TXNDC15: variants seen among roughly 807,000 people sequenced by gnomAD.
TXNDC15 encodes thioredoxin domain-containing protein 15.
In TXNDC15, 24 loss-of-function variants were observed where a neutral mutation model predicts 35.0. The observed-to-expected ratio is 0.68, with a 90% CI of 0.50 to 0.96. The LOEUF (loss-of-function observed/expected upper bound fraction) is 0.96. Among genes scored for constraint, TXNDC15 ranks in the 40% least tolerant of loss-of-function variants. TXNDC15 has a pLI of 0.00. For synonymous variants in TXNDC15, 169 were observed against 174.0 expected (o/e 0.97, Z 0.23); for missense variants, 385 against 453.3 (o/e 0.85, Z 1.37).
chr5:134,884,150 G>C (rs1415574201), intron 1 of TXNDC15, among the ~76,000 whole-genome samples: 23 of 150,106 alleles, frequency 1.5e-4, no homozygotes, highest in Non-Finnish European at 3.4e-4. Context: ...AACCCGGGAG[G>C]TGGAGGCTGC....
rs374337986 is a variant in TXNDC15 at position 134,892,121 on chromosome 5, T to G, written c.592-1371T>G. 4.6e-5 allele frequency: 7 copies of G among 152,244 alleles called. No individual in the cohort carries two copies. The South Asian group carries it at 1.4e-3, about 32-fold the overall frequency. The allele number at this position is 152,244 out of a possible 1,614,324, so 9.4% of individuals were successfully genotyped here. The stretch of plus-strand genomic sequence containing the variant: ...TGATTTTTGAGTATAGCCACCTTCA[T>G]CAATTCTCTTAGCTAGATGTTCTGG... On this transcript the variant is annotated intron_variant, in intron 2 of 4. Transcript: ENST00000358387.
intron 3 of TXNDC15, among the ~76,000 whole-genome samples, chr5:134,895,535 G>C (rs1750472678): frequency 6.6e-6 from 1 of 152,140 alleles, no homozygotes; most frequent in African/African-American, 2.4e-5. Context: ...GGCTCTTGCT[G>C]TTATTATATG....
chr5:134,874,508 A>G lies in TXNDC15; in HGVS notation c.81A>G (p.Gly27=), dbSNP rs1479541633. 6.2e-7 allele frequency: 1 copy of G among 1,602,570 alleles called. No homozygotes were observed. The change falls in exon 1 of 5, where the codon GGA becomes GGG. Residue 27 remains glycine (G), a synonymous_variant. Coordinates refer to ENST00000358387, the MANE Select transcript of TXNDC15 (RefSeq NM_024715.4). ...GWWQVLLWVL[G]LPVRGVEVAE... The stretch of plus-strand genomic sequence containing the variant: ...GGCAAGTATTGCTGTGGGTGCTGGG[A>G]CTTCCCGTCCGCGGCGTGGAGGGTG...
chr5:134,873,895 T>C (rs1324429066), upstream of TXNDC15: 1 of 152,308 alleles, frequency 6.6e-6, no homozygotes, highest in Non-Finnish European at 1.5e-5. Flanking sequence ...GTAAAAAATA[T>C]TCATTATGTG....
At chr5:134,890,640 C>T (rs1419423653) in intron 2 of TXNDC15, among the ~76,000 whole-genome samples, 1 of 151,964 alleles carries the variant, frequency 6.6e-6, no homozygotes, top group African/African-American at 2.4e-5. Context: ...GAACTCCTGA[C>T]CTCAAGTGAT....
intron 2 of TXNDC15, 108 bp from the exon 3 acceptor site, chr5:134,893,384 A>G: frequency 7.4e-7 from 1 of 1,357,604 alleles, no homozygotes; most frequent in Admixed American, 1.9e-5. Context: ...CGCTGCTCCT[A>G]CCCACCCGTT....
At chr5:134,883,606 A>AAAAAAAAAAAAAAAAAAAAAAG (rs1561898033) in intron 1 of TXNDC15, among the ~76,000 whole-genome samples, 3 of 147,988 alleles carry the variant, frequency 2.0e-5, no homozygotes, top group African/African-American at 7.5e-5. Context: ...AAAAAAAAAA[A>AAAAAAAAAAAAAAAAAAAAAAG]AAAAAGAAAA....
At chr5:134,896,523 C>A in intron 4 of TXNDC15, 99 bp downstream of exon 4, 2 of 1,435,490 alleles carry the variant, frequency 1.4e-6, no homozygotes, top group Non-Finnish European at 1.9e-6. Flanking sequence ...GTGAAGGATT[C>A]AAGACTGACT....
At chr5:134,895,797 T>G (rs988060572) in intron 3 of TXNDC15, among the ~76,000 whole-genome samples, 21 of 152,348 alleles carry the variant, frequency 1.4e-4, no homozygotes, top group African/African-American at 5.0e-4. Context: ...CACAGTTATA[T>G]TCCTTCTAAA....
Position 134,888,185 on chromosome 5 carries a change from A to G in TXNDC15, c.591+3A>G. On this transcript the variant is annotated splice_donor_region_variant and intron_variant, in intron 2 of 4. Coordinates refer to ENST00000358387, the MANE Select transcript of TXNDC15 (RefSeq NM_024715.4). ...TGAAAATTTTAAATATGTCACAGGT[A>G]AGGAAAAATTATTTAGTGCTTTTCT... 2 of 1,594,960 alleles carry G rather than the reference A, an allele frequency of 1.3e-6. No individual in the cohort carries two copies. The highest frequency in any genetic ancestry group is 1.7e-6 in the Non-Finnish European group (2 of 1,168,334).
intron 2 of TXNDC15, among the ~76,000 whole-genome samples, chr5:134,890,493 C>T (rs1289991024): frequency 1.3e-5 from 2 of 151,900 alleles, no homozygotes; most frequent in Non-Finnish European, 2.9e-5. Flanking sequence ...CTGCAACCTC[C>T]ATCTACCAGG....
chr5:134,889,501 G>C (rs934096998), intron 2 of TXNDC15, among the ~76,000 whole-genome samples: 1 of 152,230 alleles, frequency 6.6e-6, no homozygotes, highest in African/African-American at 2.4e-5. Flanking sequence ...TGGGATTACA[G>C]ATGTAAGATA....
chr5:134,884,398 G>C (rs937665189), intron 1 of TXNDC15, among the ~76,000 whole-genome samples: 1 of 149,886 alleles, frequency 6.7e-6, no homozygotes, highest in East Asian at 2.1e-4. Flanking sequence ...ACAAGCATGC[G>C]CCACCACGCC....
At position 134,899,530 on chromosome 5, in the gene TXNDC15, C is replaced by T; in HGVS notation, c.928C>T (p.Gln310Ter). 1 of 1,613,584 alleles carries T rather than the reference C, an allele frequency of 6.2e-7. No homozygotes were observed. The highest frequency in any genetic ancestry group is 1.3e-5 in the African/African-American group (1 of 75,012). The change falls in exon 5 of 5, where the codon CAA becomes TAA. Residue 310 changes from glutamine (Q) to a stop codon, truncating the protein, a stop_gained. Transcript: ENST00000358387. LOFTEE classifies it high-confidence loss of function. ...GAATGTGGTGGTAACTCAAGCCGACCAAATAGGCCCTCTTCCCAGCACTTT... is the reference window on the plus strand; with the variant it reads ...GAATGTGGTGGTAACTCAAGCCGACTAAATAGGCCCTCTTCCCAGCACTTT... ...KKNVVVTQAD[Q>*]IGPLPSTLIK...
chr5:134,885,250 G>C (rs879587463), intron 1 of TXNDC15, among the ~76,000 whole-genome samples: 2 of 152,166 alleles, frequency 1.3e-5, no homozygotes, highest in Non-Finnish European at 2.9e-5. Context: ...GCTTTGTTCT[G>C]GGGTACAGTG....
intron 1 of TXNDC15, among the ~76,000 whole-genome samples, chr5:134,878,917 T>G (rs1355035759): frequency 6.6e-6 from 1 of 152,202 alleles, no homozygotes; most frequent in Non-Finnish European, 1.5e-5. Flanking sequence ...GAGAATTGCT[T>G]GAACCCAGGA....
At position 134,874,500 on chromosome 5, in the gene TXNDC15, G is replaced by A; in HGVS notation, c.73G>A (p.Val25Met). The A allele has an allele frequency of 1.9e-6, 3 of 1,603,812 alleles. No individual in the cohort carries two copies. Among genetic ancestry groups the A allele is most frequent in the Non-Finnish European group, 2.5e-6 (3 of 1,177,256 alleles). Residue 25 changes from valine to methionine, a missense_variant, in exon 1 of 5, where the codon GTG becomes ATG. Val to Met is a conservative substitution (Grantham distance 21, BLOSUM62 1). Coordinates refer to ENST00000358387, the MANE Select transcript of TXNDC15 (RefSeq NM_024715.4). ...LLGWWQVLLWVLGLPVRGVEV... is the reference protein window; with the variant it reads ...LLGWWQVLLWMLGLPVRGVEV... ...CGGCTGGTGGCAAGTATTGCTGTGG[G>A]TGCTGGGACTTCCCGTCCGCGGCGT...
intron 2 of TXNDC15, among the ~76,000 whole-genome samples, chr5:134,890,614 T>G (rs925062711): frequency 1.3e-5 from 2 of 152,098 alleles, no homozygotes; most frequent in Non-Finnish European, 2.9e-5. Context: ...TTCACCATGT[T>G]GGTCAGGCTG....
chr5:134,893,780 CAAGGCAA>C, intron 3 of TXNDC15, 125 bp downstream of exon 3: 1 of 1,287,690 alleles, frequency 7.8e-7, no homozygotes, highest in South Asian at 1.3e-5. Context: ...GGATGGAAGG[CAAGGCAA>C]GAGTGAATAG....
Sources: allele counts gnomAD v4.1 joint callset (sites outside exome capture counted in the v4.1 genomes callset), GRCh38; gene constraint gnomAD v4.1.1; transcripts MANE v1.5; gene names NCBI Gene and HGNC (gene_info 2026-07-23, HGNC 2026-07-21).